Variants in EEA1 observed in about 807,000 individuals in gnomAD.
EEA1 encodes early endosome antigen 1, also known as early endosome antigen 1, 162kD.
Under a neutral mutation model 209.2 loss-of-function variants are expected in EEA1, and 111 were observed. The observed-to-expected ratio is 0.53, with a 90% confidence interval of 0.45 to 0.62. The LOEUF (loss-of-function observed/expected upper bound fraction) is 0.62, where lower values mean the gene tolerates loss of function less well. Among genes scored for constraint, EEA1 ranks in the 20% least tolerant of loss-of-function variants. The probability of loss-of-function intolerance (pLI) is 0.00; values close to 1 mark genes in which losing one functional copy is unlikely to be tolerated. For synonymous variants in EEA1, 536 were observed against 540.6 expected, an observed-to-expected ratio of 0.99 and a Z score of 0.12; for missense variants, 1,343 against 1,530.8, an observed-to-expected ratio of 0.88 and a Z score of 2.05.
At chr12:92,787,741 T>C in intron 22 of EEA1, 126 bp downstream of exon 22, 1 of 756,566 alleles carries the variant, frequency 1.3e-6, no homozygotes. Flanking sequence ...AATAACAATT[T>C]AATAGAAAAC....
intron 22 of EEA1, among the ~76,000 whole-genome samples, chr12:92,784,168 A>C (rs1447651642): frequency 6.6e-6 from 1 of 152,212 alleles, no homozygotes; most frequent in Non-Finnish European, 1.5e-5. Context: ...ACAGAACAGG[A>C]GGGTACAAGC....
intron 5 of EEA1, among the ~76,000 whole-genome samples, chr12:92,856,595 TA>T (rs1448356288): frequency 6.6e-6 from 1 of 151,688 alleles, no homozygotes; most frequent in Non-Finnish European, 1.5e-5. Context: ...TAGCTAGTAA[TA>T]TCTCTTTCCC....
At chr12:92,888,370 G>A (rs1879500918) in intron 2 of EEA1, among the ~76,000 whole-genome samples, 1 of 152,062 alleles carries the variant, frequency 6.6e-6, no homozygotes, top group Non-Finnish European at 1.5e-5. Context: ...CACAAGGTCA[G>A]GAGATCAAGA....
At chr12:92,837,545 T>C (rs1467576212) in intron 10 of EEA1, among the ~76,000 whole-genome samples, 1 of 152,208 alleles carries the variant, frequency 6.6e-6, no homozygotes, top group Non-Finnish European at 1.5e-5. Context: ...CAATGACCTA[T>C]ATTATATTGT....
intron 3 of EEA1, among the ~76,000 whole-genome samples, chr12:92,861,221 C>T (rs914721518): frequency 3.4e-4 from 52 of 152,196 alleles, no homozygotes; most frequent in African/African-American, 1.1e-3. Context: ...TTTGGAAGGC[C>T]GAGGCGGGCA....
At chr12:92,912,224 A>G (rs1417268884) in intron 1 of EEA1, among the ~76,000 whole-genome samples, 3 of 152,204 alleles carry the variant, frequency 2.0e-5, no homozygotes, top group Non-Finnish European at 4.4e-5. Context: ...TACTCATAAT[A>G]CAAGGAAGAA....
chr12:92,909,845 C>T (rs1231218181), intron 1 of EEA1, among the ~76,000 whole-genome samples: 2 of 151,512 alleles, frequency 1.3e-5, no homozygotes, highest in African/African-American at 4.9e-5. Context: ...GGTGAGACCC[C>T]GCCTTAATAA....
chr12:92,781,963 A>G lies in EEA1; in HGVS notation c.3323T>C (p.Ile1108Thr), dbSNP rs1193847932. The G allele has an allele frequency of 6.2e-7, 1 of 1,606,256 alleles. No individual in the cohort carries two copies. The highest frequency in any genetic ancestry group is 8.5e-7 in the Non-Finnish European group (1 of 1,175,736). Reference protein sequence around the residue: ...LQERCKALQDIQKEKSLKEKE... With the variant: ...LQERCKALQDTQKEKSLKEKE... ...AACATGCAATACCTTTTCTTTCTGA[A>G]TGTCTTGTAGTGCTTTACATCGCTC... Residue 1108 changes from isoleucine (I) to threonine (T), a missense_variant, in exon 23 of 29, where the codon ATT becomes ACT. Coordinates refer to ENST00000322349, the MANE Select transcript of EEA1 (RefSeq NM_003566.4).
Position 92,863,612 on chromosome 12 carries a change from T to C in EEA1, c.245+1248A>G, listed in dbSNP as rs80146197. ...TAAAGCAAAAGAATCATGCAGTCAA[T>C]TCAAAGAATCATGAGAATTCATAAA... On this transcript the variant is annotated intron_variant, in intron 3 of 28. Transcript: ENST00000322349. Among the ~76,000 whole-genome samples the C allele has an allele frequency of 2.6e-3, 392 of 152,316 alleles. 3 individuals carry two copies. The highest frequency in any genetic ancestry group is 8.7e-3 in the African/African-American group (363 of 41,572).
intron 16 of EEA1, 32 bp downstream of exon 16, chr12:92,812,948 G>A: frequency 1.4e-6 from 2 of 1,435,438 alleles, no homozygotes; most frequent in Admixed American, 1.8e-5. Context: ...AAAGCACTAG[G>A]TGATAGTATG....
At chr12:92,805,339 A>T (rs1302335226) in intron 18 of EEA1, among the ~76,000 whole-genome samples, 1 of 152,156 alleles carries the variant, frequency 6.6e-6, no homozygotes, top group Non-Finnish European at 1.5e-5. Flanking sequence ...GAAAATGAGA[A>T]TATTTTCACC....
intron 2 of EEA1, among the ~76,000 whole-genome samples, chr12:92,891,056 T>A (rs1342640275): frequency 1.3e-5 from 2 of 152,150 alleles, no homozygotes; most frequent in Non-Finnish European, 2.9e-5. Context: ...ACATTCCTTA[T>A]CTCCTTTTTC....
In EEA1 at chr12:92,811,377, G is replaced by T; in HGVS notation, c.2101C>A (p.Gln701Lys). 6.2e-7 allele frequency: 1 copy of T among 1,604,674 alleles called. No individual in the cohort carries two copies. The highest frequency in any genetic ancestry group is 1.3e-5 in the African/African-American group (1 of 74,442). The change falls in exon 17 of 29, where the codon CAA becomes AAA. Residue 701 changes from glutamine to lysine, a missense_variant. Physicochemically the swap from Gln to Lys is moderately conservative, Grantham distance 53. Transcript: ENST00000322349. The stretch of plus-strand genomic sequence containing the variant: ...CTTTCCAGCTGACTGCAATGTTCTT[G>T]CTTGTCTTGTAACTTTGCAGTGACC... The part of the protein sequence containing the change: ...DQVTAKLQDK[Q>K]EHCSQLESHL...
intron 2 of EEA1, among the ~76,000 whole-genome samples, chr12:92,869,474 T>C (rs1878535264): frequency 6.6e-6 from 1 of 151,738 alleles, no homozygotes; most frequent in Non-Finnish European, 1.5e-5. Flanking sequence ...CCGGGCGCAG[T>C]TGTTCACGCC....
At chr12:92,858,378 G>A in intron 3 of EEA1, 1 of 1,034,578 alleles carries the variant, frequency 9.7e-7, no homozygotes. Flanking sequence ...CAAAGGGTTT[G>A]ACTACAAGAC....
chr12:92,926,074 A>T lies in EEA1; in HGVS notation c.24+2969T>A, dbSNP rs980336953. On this transcript the variant is annotated intron_variant, in intron 1 of 28. Coordinates refer to ENST00000322349, the MANE Select transcript of EEA1 (RefSeq NM_003566.4). ...AATGGAGCAATCTCAGCTCACTGCA[A>T]TCTCCACCTCCCGGGTTCAAGTGAT... 1.1e-4 allele frequency among the ~76,000 whole-genome samples: 16 copies of T among 151,348 alleles called. 1 individual carries two copies. The highest frequency in any genetic ancestry group is 2.4e-4 in the Non-Finnish European group (16 of 67,942).
intron 2 of EEA1, among the ~76,000 whole-genome samples, chr12:92,881,287 A>G (rs1441608267): frequency 2.0e-5 from 3 of 152,106 alleles, no homozygotes; most frequent in Admixed American, 6.5e-5. Context: ...ATGTGTGCCT[A>G]TGGTCCCCAG....
At chr12:92,822,615 T>G (rs1565822419) in intron 13 of EEA1, among the ~76,000 whole-genome samples, 2 of 152,144 alleles carry the variant, frequency 1.3e-5, no homozygotes, top group South Asian at 4.2e-4. Flanking sequence ...CACTCTTCCT[T>G]GGGCTGCTCT....
chr12:92,777,924 T>C lies in EEA1; in HGVS notation c.3893+17A>G, dbSNP rs1285939873. On this transcript the variant is annotated intron_variant, in intron 26 of 28. Coordinates refer to ENST00000322349, the MANE Select transcript of EEA1 (RefSeq NM_003566.4). ...ACTTACAATGGAAATAAACTAATTT[T>C]ACTAGATATCAATCACCTTTCCAGT... 1.3e-6 allele frequency: 2 copies of C among 1,591,608 alleles called. No individual in the cohort carries two copies. The highest frequency in any genetic ancestry group is 2.7e-5 in the African/African-American group (2 of 74,380).
Sources: allele counts gnomAD v4.1 joint callset (sites outside exome capture counted in the v4.1 genomes callset), GRCh38; gene constraint gnomAD v4.1.1; transcripts MANE v1.5; gene names NCBI Gene and HGNC (gene_info 2026-07-23, HGNC 2026-07-21).